The following MCM9 variants were observed in gnomAD, a reference collection of about 807,000 sequenced individuals.
The protein encoded by MCM9 is minichromosome maintenance 9 homologous recombination repair factor.
MCM9 carries 55 observed loss-of-function variants against 72.8 expected under a neutral mutation model. That is an observed-to-expected ratio of 0.76 (90% CI 0.61 to 0.95). MCM9 has a LOEUF of 0.95. Among genes scored for constraint, MCM9 ranks in the 40% least tolerant of loss-of-function variants. MCM9 has a pLI of 0.00. For missense variants in MCM9, 1,279 were observed against 1,377.0 expected (o/e 0.93, Z 1.13); for synonymous variants, 480 against 503.4 (o/e 0.95, Z 0.62).
Position 118,815,823 on chromosome 6 carries a change from C to A in MCM9, c.2433G>T (p.Arg811Ser). The stretch of plus-strand genomic sequence containing the variant: ...TCTTGTTACTTTCCACATTGTCTGC[C>A]CTCCATGGAACACCTGTCTCTCCTG... ...PSPGETGVPW[R>S]ADNVESNKKK... The change falls in exon 14 of 14, where the codon AGG (arginine) becomes AGT (serine). Residue 811 changes from arginine to serine, a missense_variant. By Grantham distance (110) the Arg-to-Ser change is moderately radical (BLOSUM62 -1). Transcript: ENST00000619706. The A allele has an allele frequency of 6.5e-7, 1 of 1,539,308 alleles. No individual in the cohort carries two copies. Among genetic ancestry groups the A allele is most frequent in the Non-Finnish European group, 8.7e-7 (1 of 1,147,046 alleles).
chr6:118,837,635 C>T (rs189740365), intron 9 of MCM9, among the ~76,000 whole-genome samples: 2 of 152,114 alleles, frequency 1.3e-5, no homozygotes, highest in African/African-American at 4.8e-5. Flanking sequence ...CCCTTCTTTG[C>T]CTTTTTTTAT....
rs781188881 is a variant in MCM9 at position 118,915,621 on chromosome 6, AC to A, written c.904+1939del. Among the ~76,000 whole-genome samples, 28 of 152,222 alleles carry A rather than the reference AC, an allele frequency of 1.8e-4. No homozygotes were observed. In the East Asian group the frequency reaches 5.2e-3, roughly 28 times the overall value. On this transcript the variant is annotated intron_variant, in intron 6 of 13. Coordinates refer to ENST00000619706, the MANE Select transcript of MCM9 (RefSeq NM_017696.3). ...TCAGTGAAGCATTCTCCAGCTTTAGACCAGCAAAATGAAGATGTTCTGTTGG... is the reference window on the plus strand; with the variant it reads ...TCAGTGAAGCATTCTCCAGCTTTAGACAGCAAAATGAAGATGTTCTGTTGG...
intron 1 of MCM9, chr6:118,934,688 C>T (rs1470391589): frequency 6.6e-6 from 1 of 152,156 alleles, no homozygotes; most frequent in Non-Finnish European, 1.5e-5. Context: ...TCCAAACTTT[C>T]TAATTCACAG....
chr6:118,926,476 G>A (rs571418088), intron 3 of MCM9, among the ~76,000 whole-genome samples: 7 of 152,158 alleles, frequency 4.6e-5, no homozygotes, highest in East Asian at 1.9e-4. Context: ...AATCACTTTC[G>A]CATACTCATA....
intron 9 of MCM9, among the ~76,000 whole-genome samples, chr6:118,843,655 T>TATATATGCACGTATATATATATATATAC (rs1491542240): frequency 2.6e-5 from 1 of 38,616 alleles, no homozygotes; most frequent in Admixed American, 3.9e-4. Flanking sequence ...TATATATATA[T>TATATATGCACGTATATATATATATATAC]GTGTATATAT....
Position 118,916,361 on chromosome 6 carries a change from C to T in MCM9, c.904+1200G>A, listed in dbSNP as rs570012739. 4.1e-5 allele frequency among the ~76,000 whole-genome samples: 6 copies of T among 147,952 alleles called. No individual in the cohort carries two copies. The South Asian group carries it at 1.1e-3, about 26-fold the overall frequency. On this transcript the variant is annotated intron_variant, in intron 6 of 13. Transcript: ENST00000619706. ...TACTAATGTGCTATACATTTACACA[C>T]ACACACAAAAAAAAAAGAAAAAAGA...
At chr6:118,896,041 GTT>G (rs200142006) in intron 8 of MCM9, among the ~76,000 whole-genome samples, 4,207 of 138,506 alleles carry the variant, frequency 0.03, 197 homozygotes, top group African/African-American at 0.1. Flanking sequence ...ATGTGCCCCC[GTT>G]TTTTTTTTTT....
intron 7 of MCM9, 98 bp downstream of exon 7, chr6:118,913,197 A>G (rs1583645707): frequency 1.4e-6 from 2 of 1,387,956 alleles, no homozygotes; most frequent in East Asian, 4.6e-5. Context: ...TTACAATTGG[A>G]AAATAAAACC....
At chr6:118,929,095 C>T (rs1441565459) in intron 3 of MCM9, among the ~76,000 whole-genome samples, 1 of 152,134 alleles carries the variant, frequency 6.6e-6, no homozygotes, top group African/African-American at 2.4e-5. Context: ...TGGCACATGC[C>T]TGTAATCCCA....
At chr6:118,899,004 ACT>A (rs1779622519) in intron 8 of MCM9, among the ~76,000 whole-genome samples, 1 of 151,738 alleles carries the variant, frequency 6.6e-6, no homozygotes, top group Non-Finnish European at 1.5e-5. Context: ...TCTAAAATGA[ACT>A]CCTGATTGCT....
At chr6:118,915,903 G>C (rs1780905089) in intron 6 of MCM9, among the ~76,000 whole-genome samples, 1 of 152,128 alleles carries the variant, frequency 6.6e-6, no homozygotes, top group Admixed American at 6.5e-5. Flanking sequence ...TTCTTTAATT[G>C]CCAGCACAAA....
At chr6:118,818,221 G>A (rs1003088762) in intron 13 of MCM9, among the ~76,000 whole-genome samples, 3 of 152,108 alleles carry the variant, frequency 2.0e-5, no homozygotes, top group Admixed American at 6.5e-5. Context: ...TGTCCTGAAT[G>A]GTACTGCCTA....
chr6:118,842,207 T>C (rs991991563), intron 9 of MCM9, among the ~76,000 whole-genome samples: 3 of 152,220 alleles, frequency 2.0e-5, no homozygotes, highest in Non-Finnish European at 4.4e-5. Context: ...ACATTACATA[T>C]ATCATAGAAA....
Position 118,849,227 on chromosome 6 carries a change from G to A in MCM9, c.1325+7144C>T, listed in dbSNP as rs965692950. Among the ~76,000 whole-genome samples the A allele has an allele frequency of 2.2e-4, 33 of 151,790 alleles. 2 individuals carry two copies. Among genetic ancestry groups the A allele is most frequent in the Admixed American group, 2.0e-3 (30 of 15,268 alleles). On this transcript the variant is annotated intron_variant, in intron 9 of 13. Transcript: ENST00000619706. ...GGCAAGGTAAAATTCAGGCCACAAA[G>A]CATTTAAGACAAGGAAGTACAAATG...
chr6:118,935,107 G>C lies in MCM9; in HGVS notation c.-366C>G, dbSNP rs1340523350. 6.6e-6 allele frequency: 1 copy of C among 152,146 alleles called. No homozygotes were observed. 9.4% of individuals were successfully genotyped at this position (152,146 alleles called of 1,614,324 possible). On this transcript the variant is annotated 5_prime_UTR_variant, in exon 1 of 14. Transcript: ENST00000619706. ...CTCTGCCGGGCCTGCGCTCTCGACC[G>C]ACGCCGGGCCGCGCACCGCCTCAAC...
intron 3 of MCM9, among the ~76,000 whole-genome samples, chr6:118,928,339 A>C (rs1782074970): frequency 1.3e-5 from 2 of 152,028 alleles, no homozygotes; most frequent in Non-Finnish European, 1.5e-5. Flanking sequence ...TGAACCTGGG[A>C]GGCAGAGGTT....
intron 9 of MCM9, among the ~76,000 whole-genome samples, chr6:118,831,652 C>T (rs1350539774): frequency 6.6e-6 from 1 of 152,076 alleles, no homozygotes; most frequent in African/African-American, 2.4e-5. Context: ...CTTTAGAAAA[C>T]AAACACAAAT....
intron 3 of MCM9, among the ~76,000 whole-genome samples, chr6:118,925,392 A>G (rs80104489): frequency 0.014 from 2,118 of 152,298 alleles, 41 homozygotes; most frequent in African/African-American, 0.048. Flanking sequence ...TTCTATGGTC[A>G]GCATATTTTC....
At chr6:118,827,884 A>G (rs1375785894) in intron 11 of MCM9, 43 bp downstream of exon 11, 1 of 1,532,986 alleles carries the variant, frequency 6.5e-7, no homozygotes, top group Non-Finnish European at 8.8e-7. Flanking sequence ...CCTTGCACAC[A>G]CGCAGCATTC....
Sources: allele counts gnomAD v4.1 joint callset (sites outside exome capture counted in the v4.1 genomes callset), GRCh38; gene constraint gnomAD v4.1.1; transcripts MANE v1.5; gene names NCBI Gene and HGNC (gene_info 2026-07-23, HGNC 2026-07-21).